The following MGAT5 variants were observed in gnomAD, a reference collection of about 807,000 sequenced individuals.
MGAT5 encodes alpha-1,6-mannosylglycoprotein 6-beta-N-acetylglucosaminyltransferase A.
In MGAT5, 30 loss-of-function variants were observed where a neutral mutation model predicts 94.3. The observed-to-expected ratio is 0.32, with a 90% CI of 0.24 to 0.43. MGAT5 has a LOEUF of 0.43. Among genes scored for constraint, MGAT5 ranks in the 20% least tolerant of loss-of-function variants. The pLI is 1.00. For synonymous variants in MGAT5, 310 were observed against 322.9 expected (o/e 0.96, Z 0.43); for missense variants, 691 against 905.5 (o/e 0.76, Z 3.04).
chr2:134,245,202 C>T (rs1375481702), intron 1 of MGAT5, among the ~76,000 whole-genome samples: 1 of 152,084 alleles, frequency 6.6e-6, no homozygotes, highest in East Asian at 1.9e-4. Flanking sequence ...TTAGGAGAGA[C>T]GGGGTTTCAC....
intron 14 of MGAT5, among the ~76,000 whole-genome samples, chr2:134,437,803 C>T (rs2106408531): frequency 6.6e-6 from 1 of 152,228 alleles, no homozygotes. Flanking sequence ...TCCCCTGAGG[C>T]TAGGAGTTCG....
intron 2 of MGAT5, among the ~76,000 whole-genome samples, chr2:134,303,100 A>G (rs1686124845): frequency 1.3e-5 from 2 of 152,114 alleles, no homozygotes; most frequent in South Asian, 4.2e-4. Flanking sequence ...TGGAGACTCT[A>G]TGTGTTTTAT....
chr2:134,316,345 T>C (rs762581639), intron 2 of MGAT5, among the ~76,000 whole-genome samples: 5 of 152,270 alleles, frequency 3.3e-5, no homozygotes, highest in Non-Finnish European at 7.4e-5. Flanking sequence ...CTCAGTTCCT[T>C]GAACGGCATC....
intron 8 of MGAT5, among the ~76,000 whole-genome samples, chr2:134,347,699 A>G (rs189516658): frequency 5.0e-4 from 76 of 152,342 alleles, no homozygotes; most frequent in African/African-American, 1.5e-3. Flanking sequence ...ATGTGAAAGT[A>G]CTATACCACT....
intron 14 of MGAT5, among the ~76,000 whole-genome samples, chr2:134,439,662 A>C (rs1262551532): frequency 6.6e-6 from 1 of 152,134 alleles, no homozygotes; most frequent in East Asian, 1.9e-4. Flanking sequence ...GCACCACTGT[A>C]CTCCAGCCTG....
intron 1 of MGAT5, among the ~76,000 whole-genome samples, chr2:134,141,924 C>T (rs1177099751): frequency 6.6e-6 from 1 of 152,176 alleles, no homozygotes; most frequent in East Asian, 1.9e-4. Flanking sequence ...ATGGCTTGGG[C>T]AGATTTGGTT....
intron 4 of MGAT5, among the ~76,000 whole-genome samples, chr2:134,332,993 G>T (rs376856521): frequency 1.9e-3 from 284 of 146,482 alleles, no homozygotes; most frequent in African/African-American, 5.1e-3. Flanking sequence ...GGTGGGACTG[G>T]AAACTAGTTC....
chr2:134,434,840 G>A (rs1162802662), intron 14 of MGAT5, among the ~76,000 whole-genome samples: 3 of 152,028 alleles, frequency 2.0e-5, no homozygotes, highest in Admixed American at 1.3e-4. Context: ...TTTTAGCATC[G>A]GCCTCTCTTA....
chr2:134,183,373 A>G (rs1407955657), intron 1 of MGAT5, among the ~76,000 whole-genome samples: 1 of 152,238 alleles, frequency 6.6e-6, no homozygotes, highest in Non-Finnish European at 1.5e-5. Context: ...GTGTTCATGT[A>G]TGGATTGACG....
Position 134,161,379 on chromosome 2 carries a change from A to G in MGAT5, c.-143+41088A>G, listed in dbSNP as rs141909924. Among the ~76,000 whole-genome samples the G allele has an allele frequency of 3.4e-4, 52 of 152,276 alleles. No homozygotes were observed. The East Asian group carries it at 7.7e-3, about 23-fold the overall frequency. On this transcript the variant is annotated intron_variant, in intron 1 of 16. Coordinates refer to the MGAT5 transcript ENST00000409645. ...TTTTTCAGCTTTGTGTTATCAGACC[A>G]TTGCCTAGAAGACATATTTCTGGTG... is the stretch of plus-strand genomic sequence containing the variant.
At chr2:134,446,694 G>A (rs1400967294) in intron 15 of MGAT5, among the ~76,000 whole-genome samples, 1 of 152,228 alleles carries the variant, frequency 6.6e-6, no homozygotes, top group East Asian at 1.9e-4. Context: ...ATCAAGAGCA[G>A]GGGTGGTGGG....
rs554778372 is a variant in MGAT5, at chr2:134,307,948, G to T, written c.407-9581G>T. On this transcript the variant is annotated intron_variant, in intron 2 of 15. Coordinates refer to ENST00000281923, the MANE Select transcript of MGAT5 (RefSeq NM_002410.5). The stretch of plus-strand genomic sequence containing the variant: ...GGCCACTCAAATAAGAATGCCTGGA[G>T]GGTGAGGCACATTCTTAAAAGGTCC... 2.6e-5 allele frequency among the ~76,000 whole-genome samples: 4 copies of T among 152,254 alleles called. No homozygotes were observed. In the South Asian group the frequency reaches 8.3e-4, roughly 32 times the overall value.
intron 11 of MGAT5, among the ~76,000 whole-genome samples, chr2:134,407,070 A>G (rs1683382858): frequency 1.3e-5 from 2 of 152,218 alleles, no homozygotes; most frequent in Admixed American, 1.3e-4. Context: ...CACATTGACC[A>G]TCTGGGATCT....
chr2:134,131,404 C>T (rs933726826), intron 1 of MGAT5, among the ~76,000 whole-genome samples: 6 of 152,186 alleles, frequency 3.9e-5, no homozygotes, highest in Non-Finnish European at 7.3e-5. Flanking sequence ...GTACAAAAGG[C>T]TGAATTCCCG....
chr2:134,214,671 GA>G (rs1334724673), intron 1 of MGAT5, among the ~76,000 whole-genome samples: 1 of 152,090 alleles, frequency 6.6e-6, no homozygotes, highest in Non-Finnish European at 1.5e-5. Context: ...TATCACTTGG[GA>G]AATTATGAAG....
At chr2:134,345,182 C>T (rs1021545021) in intron 8 of MGAT5, 118 bp downstream of exon 8, 10 of 1,026,028 alleles carry the variant, frequency 9.7e-6, no homozygotes, top group Non-Finnish European at 1.4e-5. Context: ...TGGAGTGTTG[C>T]TCATTCGTAA....
At chr2:134,123,823 G>C (rs1206635751) in intron 1 of MGAT5, among the ~76,000 whole-genome samples, 2 of 152,176 alleles carry the variant, frequency 1.3e-5, no homozygotes, top group Non-Finnish European at 2.9e-5. Context: ...TTGGGTGATA[G>C]GGTGAGAAAT....
chr2:134,426,448 T>C (rs1684594569), intron 13 of MGAT5, among the ~76,000 whole-genome samples: 1 of 152,212 alleles, frequency 6.6e-6, no homozygotes, highest in Non-Finnish European at 1.5e-5. Flanking sequence ...CATTTTCTAA[T>C]GGATTCCCTT....
At chr2:134,257,521 C>G (rs532581671) in intron 1 of MGAT5, among the ~76,000 whole-genome samples, 1 of 152,328 alleles carries the variant, frequency 6.6e-6, no homozygotes, top group Non-Finnish European at 1.5e-5. Flanking sequence ...TGTGCCTGGC[C>G]TGGTTTTAGT....
Sources: gnomAD v4.1 joint callset for allele counts (sites outside exome capture counted in the v4.1 genomes callset) on GRCh38, gnomAD v4.1.1 for gene constraint, MANE v1.5 for transcripts, NCBI Gene and HGNC (gene_info 2026-07-23, HGNC 2026-07-21) for gene names.